The following COG2 variants were observed in gnomAD, a reference collection of about 807,000 sequenced individuals.
The protein encoded by COG2 is conserved oligomeric Golgi complex subunit 2.
Under a neutral mutation model 90.6 loss-of-function variants are expected in COG2, and 52 were observed. The ratio of observed to expected loss-of-function variants is 0.57; its 90% CI spans 0.46 to 0.72. The LOEUF is 0.72. COG2 is among the 30% of genes least tolerant of loss of function. The pLI is 0.00. For synonymous variants in COG2, 337 were observed against 320.4 expected (o/e 1.05, Z -0.55); for missense variants, 829 against 891.2 (o/e 0.93, Z 0.89).
Position 230,688,552 on chromosome 1 carries a change from G to T in COG2, c.1784G>T (p.Arg595Ile), listed in dbSNP as rs1159608228. ...CTGGAGGTTCCCAGGCTTTACCGAAGAACCAATAAGGTCAGCGCCATTTAT... is the reference window on the plus strand; with the variant it reads ...CTGGAGGTTCCCAGGCTTTACCGAATAACCAATAAGGTCAGCGCCATTTAT... ...SALEVPRLYR[R>I]TNKEVPTTAS... Residue 595 changes from arginine to isoleucine, a missense_variant, in exon 15 of 18, where the codon AGA becomes ATA. Coordinates refer to ENST00000366669, the MANE Select transcript of COG2 (RefSeq NM_007357.3). 2 of 1,613,978 alleles carry T rather than the reference G, an allele frequency of 1.2e-6. No homozygotes were observed. Among genetic ancestry groups the T allele is most frequent in the Admixed American group, 3.3e-5 (2 of 60,004 alleles).
intron 3 of COG2, among the ~76,000 whole-genome samples, chr1:230,662,939 C>G (rs1202054604): frequency 6.6e-6 from 1 of 152,168 alleles, no homozygotes; most frequent in East Asian, 1.9e-4. Context: ...GGCAGCCAAT[C>G]TTGCATGACC....
intron 1 of COG2, among the ~76,000 whole-genome samples, chr1:230,645,701 G>A (rs1316282302): frequency 2.6e-5 from 4 of 152,140 alleles, no homozygotes; most frequent in South Asian, 4.1e-4. Flanking sequence ...AAAATTCACC[G>A]TAATGTAGAA....
At chr1:230,681,206 A>T (rs1162591084) in intron 10 of COG2, 1 of 152,232 alleles carries the variant, frequency 6.6e-6, no homozygotes, top group Non-Finnish European at 1.5e-5. Context: ...TGATCAAAAC[A>T]GCCCCAAATT....
intron 9 of COG2, chr1:230,678,030 C>T: frequency 1.0e-6 from 1 of 985,358 alleles, no homozygotes; most frequent in Non-Finnish European, 1.2e-6. Context: ...GTTTTTACTA[C>T]TGTAAGATCC....
At chr1:230,675,237 G>T in intron 9 of COG2, 113 bp downstream of exon 9, 1 of 1,253,736 alleles carries the variant, frequency 8.0e-7, no homozygotes, top group South Asian at 2.1e-5. Context: ...ATAAAAATTT[G>T]AGTTGCTAAG....
chr1:230,649,086 G>C (rs1235838743), intron 1 of COG2, among the ~76,000 whole-genome samples: 2 of 152,194 alleles, frequency 1.3e-5, no homozygotes, highest in South Asian at 2.1e-4. Context: ...AGAGGATTTA[G>C]ACATAAAATT....
chr1:230,676,064 G>A (rs1662584334), intron 9 of COG2, among the ~76,000 whole-genome samples: 1 of 152,058 alleles, frequency 6.6e-6, no homozygotes, highest in Non-Finnish European at 1.5e-5. Context: ...TCATTTTAAA[G>A]GCTCAGCCTC....
Position 230,687,081 on chromosome 1 carries a change from C to G in COG2, c.1527C>G (p.Ser509=), listed in dbSNP as rs763504868. ...AAACAAAGCCTGTGGTTTCCATTTC[C>G]CGCACTCAGCTCGTGTATGTGGTTG... ...PSETKPVVSI[S]RTQLVYVVAD... is the part of the protein sequence containing the mutation. Residue 509 remains serine, a synonymous_variant, in exon 13 of 18, where the codon TCC becomes TCG. Coordinates refer to ENST00000366669, the MANE Select transcript of COG2 (RefSeq NM_007357.3). The G allele has an allele frequency of 6.2e-7, 1 of 1,613,532 alleles. No individual in the cohort carries two copies. Among genetic ancestry groups the G allele is most frequent in the South Asian group, 1.1e-5 (1 of 90,896 alleles).
At chr1:230,647,282 T>G (rs1422329824) in intron 1 of COG2, among the ~76,000 whole-genome samples, 1 of 152,206 alleles carries the variant, frequency 6.6e-6, no homozygotes, top group Non-Finnish European at 1.5e-5. Flanking sequence ...GTTTCAGGCA[T>G]TGACTGGGGG....
intron 13 of COG2, 123 bp downstream of exon 13, chr1:230,687,255 C>A: frequency 1.4e-6 from 1 of 698,772 alleles, no homozygotes; most frequent in Non-Finnish European, 2.3e-6. Context: ...CGTGGGTACC[C>A]CAAGAGAGAA....
rs1661860265 is a variant in COG2 at position 230,649,333 on chromosome 1, G to A, written c.72+6655G>A. Among the ~76,000 whole-genome samples, 4 of 152,162 alleles carry A rather than the reference G, an allele frequency of 2.6e-5. No individual in the cohort carries two copies. The South Asian group carries it at 6.2e-4, about 24-fold the overall frequency. On this transcript the variant is annotated intron_variant, in intron 1 of 17. Transcript: ENST00000366669. ...CACCCTGCACTGGGGACAGCACTAG[G>A]TTTGAGGGCAGGGGCTGGAGGGAAG...
At position 230,693,442 on chromosome 1, in the gene COG2, G is replaced by A; in HGVS notation, c.*49G>A. ...AGATTCTTAAGCAAGAGAAGAGTTG[G>A]ACTTCCAGGCTGAAGGGGAGAAAGT... is the stretch of plus-strand genomic sequence containing the variant. On this transcript the variant is annotated 3_prime_UTR_variant, in exon 18 of 18. Transcript: ENST00000366669. 2 of 1,223,030 alleles carry A rather than the reference G, an allele frequency of 1.6e-6. No homozygotes were observed. The highest frequency in any genetic ancestry group is 2.4e-5 in the East Asian group (1 of 41,648). 75.8% of individuals were successfully genotyped at this position (1,223,030 alleles called of 1,614,324 possible).
chr1:230,655,996 T>G (rs1662037499), intron 1 of COG2, among the ~76,000 whole-genome samples: 1 of 152,210 alleles, frequency 6.6e-6, no homozygotes, highest in South Asian at 2.1e-4. Context: ...CTTTTCTTCT[T>G]TATTAGTCTG....
At position 230,660,834 on chromosome 1, in the gene COG2, C is replaced by T. The variant is rs371730085; in HGVS notation, c.300+11C>T. 2.3e-5 allele frequency: 35 copies of T among 1,548,652 alleles called. No individual in the cohort carries two copies. Among genetic ancestry groups the T allele is most frequent in the South Asian group, 3.6e-5 (3 of 82,618 alleles). Reference sequence around the variant, plus strand: ...CGAGAAGAGGTTCTGGTAAGTTTCCCGAATAACATCAAACAGTTTACCCTA... The same window carrying T: ...CGAGAAGAGGTTCTGGTAAGTTTCCTGAATAACATCAAACAGTTTACCCTA... On this transcript the variant is annotated intron_variant, in intron 3 of 17. Transcript: ENST00000366669.
chr1:230,644,630 CTG>C (rs1000361558), intron 1 of COG2, among the ~76,000 whole-genome samples: 5 of 152,280 alleles, frequency 3.3e-5, no homozygotes, highest in East Asian at 1.9e-4. Context: ...TGATGGGAAA[CTG>C]TGTTTAGGTT....
rs5781595 is a variant in COG2, at chr1:230,683,409, TA to T, written c.1167-145del. ...GCTTAGTCACGATTTCTTGTTCAGT[TA>T]AAAAAAAAAAAAAAAAAAAGCCTGG... On this transcript the variant is annotated intron_variant, in intron 10 of 17. Coordinates refer to ENST00000366669, the MANE Select transcript of COG2 (RefSeq NM_007357.3). 157,072 of 381,854 alleles carry T rather than the reference TA, an allele frequency of 0.41. 23,583 individuals carry two copies. Among genetic ancestry groups the T allele is most frequent in the African/African-American group, 0.57 (22,363 of 39,298 alleles). 23.7% of individuals were successfully genotyped at this position (381,854 alleles called of 1,614,324 possible).
rs751664747 is a variant in COG2, at chr1:230,669,487, C to T, written c.726C>T (p.Asp242=). 3.7e-6 allele frequency: 6 copies of T among 1,613,912 alleles called. No individual in the cohort carries two copies. Among genetic ancestry groups the T allele is most frequent in the Admixed American group, 1.7e-5 (1 of 60,000 alleles). The change falls in exon 7 of 18, where the codon GAC becomes GAT. Residue 242 remains aspartate, a synonymous_variant. Transcript: ENST00000366669. ...ACGCCACGATTGACAAGACACGGGA[C>T]GCGGAGGCCTTAGTTGGCCAAGTAC... is the stretch of plus-strand genomic sequence containing the variant. ...RTYATIDKTR[D]AEALVGQVLV... is the part of the protein sequence containing the mutation.
chr1:230,649,878 AC>A (rs1661871557), intron 1 of COG2, among the ~76,000 whole-genome samples: 1 of 152,104 alleles, frequency 6.6e-6, no homozygotes, highest in African/African-American at 2.4e-5. Context: ...TTCCTCCAGC[AC>A]TTCCCCTTTC....
At chr1:230,691,180 TATATATAC>T in intron 16 of COG2, among the ~76,000 whole-genome samples, 196 bp from the exon 17 acceptor site, 1 of 152,212 alleles carries the variant, frequency 6.6e-6, no homozygotes, top group African/African-American at 2.4e-5. Flanking sequence ...TGTGTGTATA[TATATATAC>T]GTATATACAT....
Sources: gnomAD v4.1 joint callset for allele counts (sites outside exome capture counted in the v4.1 genomes callset) on GRCh38, gnomAD v4.1.1 for gene constraint, MANE v1.5 for transcripts, NCBI Gene and HGNC (gene_info 2026-07-23, HGNC 2026-07-21) for gene names.